The following LEKR1 variants were observed in gnomAD, a reference collection of about 807,000 sequenced individuals.
The protein encoded by LEKR1 is protein LEKR1.
In LEKR1, 59 loss-of-function variants were observed where a neutral mutation model predicts 72.4. The observed-to-expected ratio is 0.82, with a 90% CI of 0.66 to 1.01. LEKR1 has a LOEUF of 1.01. LEKR1 is among the 50% of genes least tolerant of loss of function. The pLI is 0.00. For missense variants in LEKR1, 728 were observed against 759.2 expected (o/e 0.96, Z 0.48); for synonymous variants, 257 against 263.2 (o/e 0.98, Z 0.23).
intron 5 of LEKR1, among the ~76,000 whole-genome samples, chr3:156,934,826 T>C (rs1457001818): frequency 6.6e-6 from 1 of 152,126 alleles, no homozygotes; most frequent in Non-Finnish European, 1.5e-5. Context: ...TACATACATA[T>C]ACACTTAAAA....
chr3:157,007,370 A>G (rs1732538359), intron 9 of LEKR1, among the ~76,000 whole-genome samples: 1 of 152,202 alleles, frequency 6.6e-6, no homozygotes, highest in South Asian at 2.1e-4. Flanking sequence ...GGCACATTTC[A>G]GAGAGGAAAG....
At position 156,920,575 on chromosome 3, in the gene LEKR1, A is replaced by C; in HGVS notation, c.264A>C (p.Arg88Ser). 1 of 1,452,552 alleles carries C rather than the reference A, an allele frequency of 6.9e-7. No homozygotes were observed. Among genetic ancestry groups the C allele is most frequent in the South Asian group, 1.3e-5 (1 of 76,886 alleles). The allele number at this position is 1,452,552 out of a possible 1,614,324, so 90.0% of individuals were successfully genotyped here. Residue 88 changes from arginine to serine, a missense_variant and splice_region_variant, in exon 4 of 13, where the codon AGA (arginine) becomes AGC (serine). Arg to Ser is a moderately radical substitution (Grantham distance 110). Transcript: ENST00000356539. The stretch of plus-strand genomic sequence containing the variant: ...AAGGAATGTTTGTTTATATTTTTAG[A>C]ATTTACGATGTAGGCATGCAGTTAA... ...YKIDNKSKTE[R>S]IYDVGMQLKS...
chr3:156,967,779 A>G (rs565173627), intron 6 of LEKR1, among the ~76,000 whole-genome samples: 5 of 152,204 alleles, frequency 3.3e-5, no homozygotes, highest in Non-Finnish European at 7.3e-5. Flanking sequence ...AGAGAATGCC[A>G]CAAAGATACT....
intron 9 of LEKR1, among the ~76,000 whole-genome samples, chr3:157,009,109 T>G (rs1482081342): frequency 6.6e-6 from 1 of 152,188 alleles, no homozygotes; most frequent in African/African-American, 2.4e-5. Context: ...TCATGGAATA[T>G]ACATTATTAC....
chr3:156,991,967 T>G (rs1363358950), intron 7 of LEKR1, among the ~76,000 whole-genome samples: 1 of 152,226 alleles, frequency 6.6e-6, no homozygotes, highest in Non-Finnish European at 1.5e-5. Context: ...TTGTTATTGT[T>G]GAGAGTGGTG....
chr3:157,022,695 G>T (rs1241003690), intron 10 of LEKR1, among the ~76,000 whole-genome samples: 2 of 152,108 alleles, frequency 1.3e-5, no homozygotes, highest in African/African-American at 4.8e-5. Flanking sequence ...TATCTAAATG[G>T]CTACCAGGAG....
chr3:156,995,386 C>G (rs1731481187), intron 9 of LEKR1, among the ~76,000 whole-genome samples: 1 of 152,172 alleles, frequency 6.6e-6, no homozygotes, highest in Admixed American at 6.5e-5. Flanking sequence ...ACATCACTGA[C>G]CTAACTCCTA....
intron 3 of LEKR1, among the ~76,000 whole-genome samples, chr3:156,908,301 A>T (rs530022974): frequency 4.5e-4 from 68 of 152,116 alleles, no homozygotes; most frequent in African/African-American, 1.6e-3. Context: ...TTTTTTCAGT[A>T]CTATCAGTAG....
intron 3 of LEKR1, among the ~76,000 whole-genome samples, chr3:156,877,493 C>T (rs1718746200): frequency 2.0e-5 from 3 of 151,984 alleles, no homozygotes; most frequent in Admixed American, 2.0e-4. Context: ...TTTAGTCTCA[C>T]TGCTTGTTAT....
chr3:156,834,037 C>G (rs1432820336), intron 2 of LEKR1, among the ~76,000 whole-genome samples: 1 of 151,866 alleles, frequency 6.6e-6, no homozygotes, highest in African/African-American at 2.4e-5. Flanking sequence ...ATGTTAGGCC[C>G]AATTTTTTAA....
chr3:157,023,666 G>A (rs912594965), intron 10 of LEKR1, among the ~76,000 whole-genome samples: 4 of 152,160 alleles, frequency 2.6e-5, no homozygotes, highest in Admixed American at 2.0e-4. Flanking sequence ...AAGGGTTACA[G>A]TCACAAACTT....
chr3:156,927,517 G>A lies in LEKR1; in HGVS notation c.472G>A (p.Glu158Lys), dbSNP rs1156653386. The A allele has an allele frequency of 7.4e-6, 9 of 1,212,232 alleles. No individual in the cohort carries two copies. 75.1% of individuals were successfully genotyped at this position (1,212,232 alleles called of 1,614,324 possible). A position where few individuals can be genotyped will look rare whatever the true frequency, so the allele number is the denominator to read the frequency against. The change falls in exon 5 of 13, where the codon GAA becomes AAA. Residue 158 changes from glutamate to lysine, a missense_variant. Physicochemically the swap from Glu to Lys is moderately conservative, Grantham distance 56. Coordinates refer to ENST00000356539, the MANE Select transcript of LEKR1 (RefSeq NM_001004316.3). ...TKRELTSIKN[E>K]VYDNYQNWTS... Reference sequence around the variant, plus strand: ...AAGGGAACTAACCAGTATTAAAAATGAAGTATATGATAATTACCAAAACTG... The same window carrying A: ...AAGGGAACTAACCAGTATTAAAAATAAAGTATATGATAATTACCAAAACTG...
chr3:156,960,505 C>G (rs1437987783), intron 6 of LEKR1, among the ~76,000 whole-genome samples: 1 of 152,120 alleles, frequency 6.6e-6, no homozygotes, highest in African/African-American at 2.4e-5. Flanking sequence ...AGGCTGGTCT[C>G]AAACTCCTGA....
intron 9 of LEKR1, among the ~76,000 whole-genome samples, chr3:156,998,950 G>C (rs181319285): frequency 1.1e-4 from 17 of 152,140 alleles, no homozygotes; most frequent in Middle Eastern, 3.4e-3. Flanking sequence ...GTCATGGGAG[G>C]GACCCAGTGG....
intron 2 of LEKR1, among the ~76,000 whole-genome samples, chr3:156,848,764 T>C (rs1714944270): frequency 2.0e-5 from 3 of 152,164 alleles, no homozygotes; most frequent in Non-Finnish European, 4.4e-5. Flanking sequence ...GTGAGATACA[T>C]AAAATGACTT....
intron 7 of LEKR1, among the ~76,000 whole-genome samples, chr3:156,980,794 T>C (rs1474294252): frequency 1.3e-5 from 2 of 152,140 alleles, no homozygotes; most frequent in Non-Finnish European, 2.9e-5. Context: ...TAGTGGAGTC[T>C]TAGAAAGTTA....
At chr3:156,992,780 A>C (rs1484080437) in intron 8 of LEKR1, 50 bp downstream of exon 8, 1 of 360,828 alleles carries the variant, frequency 2.8e-6, no homozygotes, top group East Asian at 1.1e-4. Flanking sequence ...TGAACTTAAA[A>C]CTGTATTTAA....
intron 5 of LEKR1, among the ~76,000 whole-genome samples, chr3:156,941,811 C>A (rs1726234199): frequency 6.6e-6 from 1 of 151,978 alleles, no homozygotes; most frequent in African/African-American, 2.4e-5. Context: ...GACTGATGAA[C>A]AGGGAGCTTA....
chr3:156,920,464 G>C (rs968779948), intron 3 of LEKR1, 111 bp from the exon 4 acceptor site: 3 of 671,084 alleles, frequency 4.5e-6, no homozygotes, highest in South Asian at 3.9e-5. Flanking sequence ...ATATATAAGA[G>C]ACATAGTTTC....
Sources: gnomAD v4.1 joint callset for allele counts (sites outside exome capture counted in the v4.1 genomes callset) on GRCh38, gnomAD v4.1.1 for gene constraint, MANE v1.5 for transcripts, NCBI Gene and HGNC (gene_info 2026-07-23, HGNC 2026-07-21) for gene names.